The following GLI3 variants were observed in gnomAD, a reference collection of about 807,000 sequenced individuals.
GLI3 encodes the protein GLI family zinc finger 3.
A neutral mutation model predicts 100.8 loss-of-function variants in GLI3; 20 were observed. The ratio of observed to expected loss-of-function variants is 0.20; its 90% CI spans 0.14 to 0.29. The LOEUF (loss-of-function observed/expected upper bound fraction) is 0.29. Ranked by LOEUF, GLI3 falls within the 10% of genes least tolerant of loss-of-function variation. The pLI, the probability that GLI3 is intolerant of heterozygous loss-of-function variation, is 1.00. For missense variants in GLI3, 2,040 were observed against 2,128.5 expected, an observed-to-expected ratio of 0.96 and a Z score of 0.82; for synonymous variants, 938 against 860.5, an observed-to-expected ratio of 1.09 and a Z score of -1.58.
chr7:42,125,474 C>G (rs73688644), intron 3 of GLI3, among the ~76,000 whole-genome samples: 4,715 of 152,268 alleles, frequency 0.031, 248 homozygotes, highest in African/African-American at 0.11. Flanking sequence ...TATCTCGGCT[C>G]CAGCGGACAC....
chr7:42,244,716 G>A (rs1447187346), intron 1 of GLI3, among the ~76,000 whole-genome samples: 2 of 151,356 alleles, frequency 1.3e-5, no homozygotes, highest in Admixed American at 1.3e-4. Flanking sequence ...AAAAAAAAAA[G>A]TAAAATAATC....
At position 42,035,620 on chromosome 7, in the gene GLI3, C is replaced by T. The variant is rs113953543; in HGVS notation, c.1028+4418G>A. On this transcript the variant is annotated intron_variant, in intron 7 of 14. Coordinates refer to ENST00000395925, the MANE Select transcript of GLI3 (RefSeq NM_000168.6). Reference sequence around the variant, plus strand: ...TTAAATAGAAAGTGAGAAAGTGATACCCAGTGGGTTAGAAATGCGTAGAGT... The same window carrying T: ...TTAAATAGAAAGTGAGAAAGTGATATCCAGTGGGTTAGAAATGCGTAGAGT... 6.2e-4 allele frequency among the ~76,000 whole-genome samples: 95 copies of T among 152,302 alleles called. 1 individual carries two copies. Among genetic ancestry groups the T allele is most frequent in the African/African-American group, 2.1e-3 (88 of 41,562 alleles).
intron 10 of GLI3, among the ~76,000 whole-genome samples, chr7:42,019,054 T>C (rs1041238546): frequency 6.6e-6 from 1 of 152,240 alleles, no homozygotes; most frequent in African/African-American, 2.4e-5. Flanking sequence ...CATGTGTTAT[T>C]TCTTACACAG....
chr7:42,206,575 A>G (rs1193032277), intron 2 of GLI3, among the ~76,000 whole-genome samples: 1 of 152,180 alleles, frequency 6.6e-6, no homozygotes, highest in Non-Finnish European at 1.5e-5. Flanking sequence ...TGAATTCAAT[A>G]AGTAACATAG....
intron 2 of GLI3, among the ~76,000 whole-genome samples, chr7:42,180,939 C>T (rs1401637439): frequency 6.6e-6 from 1 of 152,202 alleles, no homozygotes; most frequent in Non-Finnish European, 1.5e-5. Flanking sequence ...TCCAATCGTT[C>T]ACCCAGTATC....
At chr7:42,211,043 T>C (rs1367035190) in intron 2 of GLI3, among the ~76,000 whole-genome samples, 2 of 152,268 alleles carry the variant, frequency 1.3e-5, no homozygotes, top group Non-Finnish European at 2.9e-5. Flanking sequence ...TTTATAAGTA[T>C]CTTTTATTTT....
At chr7:42,056,798 A>AAAATAAATAAATAAATAAATAAAT (rs553929567) in intron 4 of GLI3, among the ~76,000 whole-genome samples, 38 of 148,498 alleles carry the variant, frequency 2.6e-4, no homozygotes, top group Admixed American at 4.7e-4. Context: ...TAAAAATACA[A>AAAATAAATAAATAAATAAATAAAT]AAATAAATAA....
In GLI3 at chr7:41,967,748, G is replaced by C. The variant is rs2128707068; in HGVS notation, c.2279C>G (p.Ala760Gly). ...MDSTISTATT[A>G]LALQARRNPA... is the part of the protein sequence containing the mutation. Reference sequence around the variant, plus strand: ...GTTTCTCCTGGCTTGCAAAGCAAGGGCTGTGGTTGCAGTGGAAATGGTTGA... The same window carrying C: ...GTTTCTCCTGGCTTGCAAAGCAAGGCCTGTGGTTGCAGTGGAAATGGTTGA... The change falls in exon 14 of 15, where the codon GCC becomes GGC. Residue 760 changes from alanine to glycine, a missense_variant. Physicochemically the swap from Ala to Gly is moderately conservative, Grantham distance 60. Transcript: ENST00000395925. 6.2e-7 allele frequency: 1 copy of C among 1,614,206 alleles called. No homozygotes were observed. Among genetic ancestry groups the C allele is most frequent in the Non-Finnish European group, 8.5e-7 (1 of 1,180,028 alleles).
chr7:42,144,583 G>T (rs1429310847), intron 3 of GLI3, among the ~76,000 whole-genome samples: 1 of 149,326 alleles, frequency 6.7e-6, no homozygotes, highest in Non-Finnish European at 1.5e-5. Context: ...TTTGATTTTT[G>T]CCTAACTACA....
intron 3 of GLI3, among the ~76,000 whole-genome samples, chr7:42,091,728 G>C (rs1785223951): frequency 6.6e-6 from 1 of 152,200 alleles, no homozygotes; most frequent in Non-Finnish European, 1.5e-5. Flanking sequence ...AAAAGCCCCA[G>C]ACTGGGCTGC....
At chr7:42,016,348 T>C (rs1788762247) in intron 10 of GLI3, among the ~76,000 whole-genome samples, 1 of 152,176 alleles carries the variant, frequency 6.6e-6, no homozygotes, top group African/African-American at 2.4e-5. Flanking sequence ...CCTATCGACA[T>C]CTTTCTGCAA....
At chr7:42,083,346 A>G (rs180816028) in intron 3 of GLI3, among the ~76,000 whole-genome samples, 158 of 152,306 alleles carry the variant, frequency 1.0e-3, no homozygotes, top group Admixed American at 5.0e-3. Context: ...AGTTCCATCC[A>G]TGTTGTTGCA....
rs78143858 is a variant in GLI3 at position 42,118,664 on chromosome 7, C to T, written c.367+29562G>A. On this transcript the variant is annotated intron_variant, in intron 3 of 14. Coordinates refer to ENST00000395925, the MANE Select transcript of GLI3 (RefSeq NM_000168.6). ...AGCTGTCAAATTCAGGCCAGAATGACGTGATCATCTTGACACCTTGACACT... is the reference window on the plus strand; with the variant it reads ...AGCTGTCAAATTCAGGCCAGAATGATGTGATCATCTTGACACCTTGACACT... 5.5e-3 allele frequency among the ~76,000 whole-genome samples: 833 copies of T among 152,248 alleles called. 7 individuals carry two copies. The highest frequency in any genetic ancestry group is 0.019 in the African/African-American group (771 of 41,532).
chr7:42,144,867 TC>T (rs1269423402), intron 3 of GLI3, among the ~76,000 whole-genome samples: 5 of 152,144 alleles, frequency 3.3e-5, no homozygotes, highest in Admixed American at 3.3e-4. Context: ...AGGAGTCTTT[TC>T]TTTTGACCGG....
At chr7:41,981,663 G>C (rs535492187) in intron 10 of GLI3, among the ~76,000 whole-genome samples, 1 of 152,352 alleles carries the variant, frequency 6.6e-6, no homozygotes, top group East Asian at 1.9e-4. Flanking sequence ...CAGTTCCCTT[G>C]AGGCCTGTGC....
intron 1 of GLI3, among the ~76,000 whole-genome samples, chr7:42,243,632 G>A (rs1254741275): frequency 1.3e-5 from 2 of 152,194 alleles, no homozygotes; most frequent in East Asian, 1.9e-4. Context: ...TGTAAATAAA[G>A]GAGTGGATCT....
At chr7:42,044,761 C>T (rs1784211410) in intron 6 of GLI3, among the ~76,000 whole-genome samples, 2 of 152,026 alleles carry the variant, frequency 1.3e-5, no homozygotes, top group South Asian at 4.1e-4. Context: ...CCTGTTAAAA[C>T]AGGTATTTTT....
Position 41,972,677 on chromosome 7 carries a change from T to C in GLI3, c.1813-50A>G, listed in dbSNP as rs746741902. ...TAAGAGATTGTTATGAAAGAGACTA[T>C]GCCCCAGCCCAAAAGTCCTTTATGG... On this transcript the variant is annotated intron_variant, in intron 12 of 14. Coordinates refer to ENST00000395925, the MANE Select transcript of GLI3 (RefSeq NM_000168.6). The surrounding 1 kb of genome is among the most constrained non-coding windows in gnomAD (Gnocchi z 4.4). The C allele has an allele frequency of 2.1e-5, 31 of 1,500,266 alleles. No homozygotes were observed. In the South Asian group the frequency reaches 3.3e-4, roughly 16 times the overall value. 92.9% of individuals were successfully genotyped at this position (1,500,266 alleles called of 1,614,324 possible). A position where few individuals can be genotyped will look rare whatever the true frequency, so the allele number is the denominator to read the frequency against.
chr7:42,054,426 C>T (rs940979848), intron 4 of GLI3, among the ~76,000 whole-genome samples: 2 of 152,170 alleles, frequency 1.3e-5, no homozygotes, highest in African/African-American at 2.4e-5. Flanking sequence ...ACAATTTGCT[C>T]GCACATTGCT....
Sources: gnomAD v4.1 joint callset for allele counts (sites outside exome capture counted in the v4.1 genomes callset) on GRCh38, gnomAD v4.1.1 for gene constraint, Gnocchi (gnomAD v3.1) non-coding constraint, MANE v1.5 for transcripts, NCBI Gene and HGNC (gene_info 2026-07-23, HGNC 2026-07-21) for gene names.